Variants in KCNC2 observed in about 807,000 individuals in gnomAD.
The protein encoded by KCNC2 is potassium voltage-gated channel subfamily C member 2, also known as voltage-gated potassium channel KCNC2.
In KCNC2, 21 loss-of-function variants were observed where a neutral mutation model predicts 44.5. That is an observed-to-expected ratio of 0.47 (90% CI 0.33 to 0.68). The LOEUF (loss-of-function observed/expected upper bound fraction) is 0.68. Ranked by LOEUF, KCNC2 falls within the 30% of genes least tolerant of loss-of-function variation. KCNC2 has a pLI of 0.01. For synonymous variants in KCNC2, 391 were observed against 339.1 expected (o/e 1.15, Z -1.68); for missense variants, 589 against 826.2 (o/e 0.71, Z 3.52).
chr12:75,107,966 G>A (rs1459007010), intron 2 of KCNC2, among the ~76,000 whole-genome samples: 17 of 152,076 alleles, frequency 1.1e-4, no homozygotes, highest in East Asian at 1.9e-4. Flanking sequence ...GAGGGAAAGG[G>A]AAAAGGAAAG....
chr12:75,203,455 G>C lies in KCNC2; in HGVS notation c.687+3842C>G, dbSNP rs144207938. Among the ~76,000 whole-genome samples the C allele has an allele frequency of 3.8e-3, 570 of 151,842 alleles. 1 individual carries two copies. Among genetic ancestry groups the C allele is most frequent in the African/African-American group, 0.013 (536 of 41,480 alleles). On this transcript the variant is annotated intron_variant, in intron 2 of 4. Transcript: ENST00000549446. ...TGATAGATTCGCTATCACAATCCCT[G>C]TATGATGCAGAAGGATCGTATATGA...
chr12:75,167,302 G>T (rs1891522988), intron 2 of KCNC2, among the ~76,000 whole-genome samples: 1 of 150,234 alleles, frequency 6.7e-6, no homozygotes, highest in Non-Finnish European at 1.5e-5. Flanking sequence ...GACAAGTGTG[G>T]GTTACTTATT....
intron 2 of KCNC2, among the ~76,000 whole-genome samples, chr12:75,199,269 A>C (rs1425686604): frequency 6.6e-6 from 1 of 151,846 alleles, no homozygotes; most frequent in Non-Finnish European, 1.5e-5. Flanking sequence ...ATTTGATAGC[A>C]CACCAACCAG....
chr12:75,131,314 A>G (rs898852462), intron 2 of KCNC2, among the ~76,000 whole-genome samples: 2 of 152,146 alleles, frequency 1.3e-5, no homozygotes, highest in African/African-American at 4.8e-5. Context: ...TAGTAATTAC[A>G]TTATTTATTC....
At chr12:75,157,562 A>G (rs1592991279) in intron 2 of KCNC2, among the ~76,000 whole-genome samples, 1 of 151,892 alleles carries the variant, frequency 6.6e-6, no homozygotes, top group East Asian at 1.9e-4. Context: ...TTTAAACATC[A>G]AGACCACAGT....
At chr12:75,081,408 A>AT (rs34651267) in intron 2 of KCNC2, among the ~76,000 whole-genome samples, 1,665 of 130,464 alleles carry the variant, frequency 0.013, 10 homozygotes, top group East Asian at 0.045. Flanking sequence ...TTAAACATTC[A>AT]TTTTTTTTTT....
chr12:75,202,882 C>A (rs540034489), intron 2 of KCNC2, among the ~76,000 whole-genome samples: 1 of 150,304 alleles, frequency 6.7e-6, no homozygotes, highest in Admixed American at 6.6e-5. Flanking sequence ...ATAGATAATG[C>A]CTTTAGGAAA....
chr12:75,043,506 T>C, intron 4 of KCNC2: 2 of 1,263,528 alleles, frequency 1.6e-6, no homozygotes, highest in South Asian at 4.8e-5. Context: ...AGCATTAATA[T>C]AATTTTGGCA....
intron 2 of KCNC2, among the ~76,000 whole-genome samples, chr12:75,172,110 T>G (rs1247900333): frequency 6.6e-6 from 1 of 151,836 alleles, no homozygotes; most frequent in African/African-American, 2.4e-5. Flanking sequence ...TAAGCCTGTT[T>G]CAGGCTTCCA....
chr12:75,040,380 A>G lies in KCNC2; in HGVS notation c.*2725T>C, dbSNP rs1879772784. 1.3e-5 allele frequency: 2 copies of G among 152,342 alleles called. No individual in the cohort carries two copies. The highest frequency in any genetic ancestry group is 2.9e-5 in the Non-Finnish European group (2 of 67,978). The allele number at this position is 152,342 out of a possible 1,614,324, so 9.4% of individuals were successfully genotyped here. On this transcript the variant is annotated 3_prime_UTR_variant, in exon 5 of 5. Transcript: ENST00000549446. ...CTTCATTTGCCACAAAACTCACAAA[A>G]AAGTAATTGATTAAAGAATATCTCT...
At chr12:75,143,995 A>G (rs1287548554) in intron 2 of KCNC2, among the ~76,000 whole-genome samples, 1 of 152,170 alleles carries the variant, frequency 6.6e-6, no homozygotes, top group Non-Finnish European at 1.5e-5. Context: ...ATGGGAGTGA[A>G]GATTACCTAG....
intron 1 of KCNC2, among the ~76,000 whole-genome samples, chr12:75,208,300 T>C (rs2031875410): frequency 6.6e-6 from 1 of 152,118 alleles, no homozygotes; most frequent in African/African-American, 2.4e-5. Context: ...TTCACCTTCA[T>C]CTTTTCACCT....
At chr12:75,132,480 G>C (rs1888922885) in intron 2 of KCNC2, among the ~76,000 whole-genome samples, 2 of 152,036 alleles carry the variant, frequency 1.3e-5, no homozygotes, top group African/African-American at 4.8e-5. Flanking sequence ...CAATATTTTT[G>C]TATGCTTGAC....
chr12:75,051,572 AT>A lies in KCNC2; in HGVS notation c.688-256del, dbSNP rs554529774. ...TTATGTTGGAATATAATTTATTGAG[AT>A]TTTTTTGTGTAAGAAAATATAACCT... On this transcript the variant is annotated intron_variant, in intron 2 of 4. Coordinates refer to ENST00000549446, the MANE Select transcript of KCNC2 (RefSeq NM_139137.4). Among the ~76,000 whole-genome samples the A allele has an allele frequency of 6.6e-5, 10 of 152,226 alleles. No homozygotes were observed. In the East Asian group the frequency reaches 1.5e-3, roughly 24 times the overall value.
At chr12:75,108,402 T>C (rs78758502) in intron 2 of KCNC2, among the ~76,000 whole-genome samples, 25,203 of 152,144 alleles carry the variant, frequency 0.17, 2,185 homozygotes, top group Middle Eastern at 0.24. Context: ...ATAGCTGATG[T>C]TATGATGTTA....
At chr12:75,059,872 C>T (rs145032891) in intron 2 of KCNC2, among the ~76,000 whole-genome samples, 7 of 152,216 alleles carry the variant, frequency 4.6e-5, no homozygotes, top group African/African-American at 1.7e-4. Context: ...AGGTCTATTG[C>T]TTAAATATTG....
intron 2 of KCNC2, among the ~76,000 whole-genome samples, chr12:75,171,717 T>C (rs1489430208): frequency 2.0e-5 from 3 of 151,814 alleles, no homozygotes; most frequent in Non-Finnish European, 4.4e-5. Context: ...ATGACTATAG[T>C]TAATAAGAAT....
At chr12:75,122,131 T>A (rs947757019) in intron 2 of KCNC2, among the ~76,000 whole-genome samples, 1 of 152,100 alleles carries the variant, frequency 6.6e-6, no homozygotes, top group Non-Finnish European at 1.5e-5. Context: ...AAGACAAAAC[T>A]CTCAGTCCTC....
chr12:75,084,810 T>C (rs1323804392), intron 2 of KCNC2, among the ~76,000 whole-genome samples: 1 of 151,918 alleles, frequency 6.6e-6, no homozygotes, highest in Non-Finnish European at 1.5e-5. Flanking sequence ...GAAATAACTA[T>C]TTAAGCATAT....
Sources: allele counts gnomAD v4.1 joint callset (sites outside exome capture counted in the v4.1 genomes callset), GRCh38; gene constraint gnomAD v4.1.1; transcripts MANE v1.5; gene names NCBI Gene and HGNC (gene_info 2026-07-23, HGNC 2026-07-21).